Variants in DNAH3 observed in about 807,000 individuals in gnomAD.
DNAH3 encodes the protein dynein axonemal heavy chain 3.
In DNAH3, 332 loss-of-function variants were observed where a neutral mutation model predicts 432.5. That is an observed-to-expected ratio of 0.77 (90% CI 0.70 to 0.84). The LOEUF (loss-of-function observed/expected upper bound fraction) is 0.84, where lower values mean the gene tolerates loss of function less well. DNAH3 is among the 40% of genes least tolerant of loss of function. The pLI is 0.00. For missense variants in DNAH3, 4,861 were observed against 5,114.0 expected, an observed-to-expected ratio of 0.95 and a Z score of 1.51; for synonymous variants, 1,956 against 1,900.2, an observed-to-expected ratio of 1.03 and a Z score of -0.76.
chr16:20,983,514 T>C (rs1275133966), intron 48 of DNAH3, among the ~76,000 whole-genome samples: 1 of 152,130 alleles, frequency 6.6e-6, no homozygotes, highest in Non-Finnish European at 1.5e-5. Flanking sequence ...AGCCCTTTGA[T>C]TGACTTGCTG....
intron 7 of DNAH3, among the ~76,000 whole-genome samples, chr16:21,128,510 T>A (rs925892013): frequency 2.0e-5 from 3 of 151,766 alleles, no homozygotes; most frequent in African/African-American, 7.3e-5. Context: ...CTGGCCAAGA[T>A]GCTGAAACCC....
At position 20,964,145 on chromosome 16, in the gene DNAH3, A is replaced by G. The variant is rs773825133; in HGVS notation, c.9739T>C (p.Ser3247Pro). Residue 3247 changes from serine (S) to proline (P), a missense_variant, in exon 53 of 62, where the codon TCC becomes CCC. Coordinates refer to ENST00000261383, the Ensembl canonical transcript of DNAH3. ...TCCAGGATGTTACCCTTGGACATGG[A>G]GAGAACCTCCAAGATCTTATCTTCA... 3.1e-6 allele frequency: 5 copies of G among 1,614,176 alleles called. 1 individual carries two copies. In the South Asian group the frequency reaches 4.4e-5, roughly 14 times the overall value.
At chr16:20,999,199 G>A (rs2086901598) in intron 43 of DNAH3, among the ~76,000 whole-genome samples, 1 of 151,466 alleles carries the variant, frequency 6.6e-6, no homozygotes, top group Admixed American at 6.6e-5. Flanking sequence ...AGGCTGCAGT[G>A]AGCTGTGATT....
chr16:20,987,374 C>T, exon 47 of DNAH3: 1 of 1,614,126 alleles, frequency 6.2e-7, no homozygotes, highest in Non-Finnish European at 8.5e-7. Flanking sequence ...CCTGTCTGTC[C>T]TCCTTGTCAA....
chr16:20,936,060 AT>A (rs1314802369), intron 60 of DNAH3, among the ~76,000 whole-genome samples: 1 of 152,194 alleles, frequency 6.6e-6, no homozygotes, highest in Non-Finnish European at 1.5e-5. Flanking sequence ...TAAAAAATCA[AT>A]GTTTACATGC....
At chr16:21,033,078 C>T (rs1025201652) in intron 36 of DNAH3, among the ~76,000 whole-genome samples, 1 of 152,078 alleles carries the variant, frequency 6.6e-6, no homozygotes, top group Non-Finnish European at 1.5e-5. Flanking sequence ...GTGATCCGCC[C>T]GCCTTGGCCC....
At chr16:20,961,627 G>A (rs1365793786) in intron 53 of DNAH3, among the ~76,000 whole-genome samples, 1 of 152,018 alleles carries the variant, frequency 6.6e-6, no homozygotes, top group South Asian at 2.1e-4. Flanking sequence ...GACACAGAGA[G>A]AAGGCCCTGT....
chr16:21,131,432 A>G (rs1417978526), intron 7 of DNAH3, among the ~76,000 whole-genome samples: 1 of 136,196 alleles, frequency 7.3e-6, no homozygotes, highest in African/African-American at 2.8e-5. Flanking sequence ...AGAAGAAAAG[A>G]AAGGAAGAAA....
chr16:21,111,489 T>G, intron 14 of DNAH3, 137 bp downstream of exon 14: 1 of 798,452 alleles, frequency 1.3e-6, no homozygotes, highest in South Asian at 1.8e-5. Context: ...AATTCCTCAC[T>G]ACCCTTACTT....
At chr16:21,049,863 C>T in intron 30 of DNAH3, 47 bp downstream of exon 30, 1 of 1,505,240 alleles carries the variant, frequency 6.6e-7, no homozygotes, top group Non-Finnish European at 9.2e-7. Flanking sequence ...AGGAGGGGTG[C>T]AGAGAGGGCC....
In DNAH3 at chr16:21,120,838, A is replaced by G. The variant is rs754402541; in HGVS notation, c.1601T>C (p.Leu534Pro). ...AGCAGCAGCAGTGAAGGAGAACTTA[A>G]GTGGTATGTATTTCAGCTGTCCCCA... is the stretch of plus-strand genomic sequence containing the variant. The change falls in exon 11 of 62, where the codon CTT (leucine) becomes CCT (proline). Residue 534 changes from leucine to proline, a missense_variant. Physicochemically the swap from Leu to Pro is moderately conservative, Grantham distance 98 (BLOSUM62 -3). Transcript: ENST00000261383. The G allele has an allele frequency of 1.1e-5, 17 of 1,613,848 alleles. No homozygotes were observed. The East Asian group carries it at 3.3e-4, about 32-fold the overall frequency.
chr16:21,109,992 C>T (rs2092034174), intron 14 of DNAH3, among the ~76,000 whole-genome samples: 1 of 152,252 alleles, frequency 6.6e-6, no homozygotes, highest in Admixed American at 6.5e-5. Flanking sequence ...AATCCTCCTG[C>T]CTCCACCTCC....
intron 27 of DNAH3, among the ~76,000 whole-genome samples, chr16:21,054,752 T>A (rs188972401): frequency 6.6e-6 from 1 of 152,342 alleles, no homozygotes; most frequent in East Asian, 1.9e-4. Context: ...TCATACTGCA[T>A]GATTTTATTT....
At chr16:21,020,817 C>T (rs920353090) in intron 40 of DNAH3, among the ~76,000 whole-genome samples, 1 of 152,126 alleles carries the variant, frequency 6.6e-6, no homozygotes, top group African/African-American at 2.4e-5. Context: ...GTGCGACCAT[C>T]ACCACCATCT....
At chr16:21,089,760 C>T (rs1348654743) in intron 18 of DNAH3, among the ~76,000 whole-genome samples, 1 of 150,936 alleles carries the variant, frequency 6.6e-6, no homozygotes, top group Admixed American at 6.6e-5. Flanking sequence ...CCTTAAGTAA[C>T]TAGAAAAAGA....
chr16:20,975,468 G>A (rs2085545137), intron 50 of DNAH3, 53 bp from the exon 51 acceptor site: 3 of 1,538,844 alleles, frequency 1.9e-6, no homozygotes, highest in East Asian at 4.5e-5. Context: ...AAATGGCAAA[G>A]TAGACAAGAA....
chr16:20,990,163 C>T (rs1011973768), intron 44 of DNAH3, among the ~76,000 whole-genome samples: 1 of 152,240 alleles, frequency 6.6e-6, no homozygotes, highest in Non-Finnish European at 1.5e-5. Flanking sequence ...GCGCCCAGAG[C>T]GAGCCAGGGC....
intron 1 of DNAH3, among the ~76,000 whole-genome samples, chr16:21,148,633 A>G (rs1313866831): frequency 6.6e-6 from 1 of 152,126 alleles, no homozygotes; most frequent in Non-Finnish European, 1.5e-5. Flanking sequence ...AACCGTGAGC[A>G]TTTTGCAGAA....
At chr16:20,935,520 C>T in intron 60 of DNAH3, 35 bp from the exon 61 acceptor site, 1 of 1,603,434 alleles carries the variant, frequency 6.2e-7, no homozygotes, top group Non-Finnish European at 8.5e-7. Flanking sequence ...TCAAAATCAA[C>T]AACACATCAA....
Sources: gnomAD v4.1 joint callset for allele counts (sites outside exome capture counted in the v4.1 genomes callset) on GRCh38, gnomAD v4.1.1 for gene constraint, MANE v1.5 for transcripts, NCBI Gene and HGNC (gene_info 2026-07-23, HGNC 2026-07-21) for gene names.